The following ZFAT variants were observed in gnomAD, a reference collection of about 807,000 sequenced individuals.
ZFAT encodes the protein zinc finger and AT-hook domain containing.
ZFAT carries 64 observed loss-of-function variants against 117.7 expected under a neutral mutation model. The ratio of observed to expected loss-of-function variants is 0.54; its 90% CI spans 0.44 to 0.67. The LOEUF is 0.67. ZFAT is among the 30% of genes least tolerant of loss of function. The pLI is 0.00. For missense variants in ZFAT, 1,433 were observed against 1,584.5 expected (o/e 0.90, Z 1.62); for synonymous variants, 679 against 615.0 (o/e 1.10, Z -1.54).
intron 1 of ZFAT, chr8:134,674,864 G>A (rs189182313): frequency 2.9e-4 from 58 of 198,778 alleles, no homozygotes; most frequent in African/African-American, 1.0e-3. Flanking sequence ...GGTATGGAGC[G>A]GACCTCCAGC....
intron 3 of ZFAT, among the ~76,000 whole-genome samples, chr8:134,620,179 A>C (rs547430686): frequency 4.6e-5 from 7 of 152,334 alleles, no homozygotes; most frequent in African/African-American, 1.7e-4. Flanking sequence ...CTCAGGCACC[A>C]CAGCATGCAA....
intron 1 of ZFAT, among the ~76,000 whole-genome samples, chr8:134,675,454 G>A (rs548529229): frequency 5.3e-5 from 8 of 152,312 alleles, no homozygotes; most frequent in African/African-American, 9.6e-5. Context: ...ATGGGACTAC[G>A]TGAAAAGATC....
intron 1 of ZFAT, among the ~76,000 whole-genome samples, chr8:134,663,669 T>C (rs1586914432): frequency 1.3e-5 from 2 of 151,956 alleles, no homozygotes; most frequent in African/African-American, 4.8e-5. Context: ...ACCTGGGAGG[T>C]GGAGGATACA....
intron 4 of ZFAT, among the ~76,000 whole-genome samples, chr8:134,609,130 C>T (rs1452179847): frequency 6.6e-6 from 1 of 151,704 alleles, no homozygotes; most frequent in Admixed American, 6.6e-5. Flanking sequence ...TTCACTTGAT[C>T]TACTTATATT....
intron 1 of ZFAT, among the ~76,000 whole-genome samples, chr8:134,691,730 T>C (rs1833597459): frequency 6.6e-6 from 1 of 152,232 alleles, no homozygotes; most frequent in Non-Finnish European, 1.5e-5. Context: ...AATCATGTAT[T>C]TAATGCTGTG....
At chr8:134,618,578 A>G (rs542921879) in intron 3 of ZFAT, among the ~76,000 whole-genome samples, 8 of 152,278 alleles carry the variant, frequency 5.3e-5, no homozygotes, top group Admixed American at 1.3e-4. Flanking sequence ...ATTCATACCA[A>G]GCGTGTCTCC....
chr8:134,604,494 A>G (rs7007820), intron 5 of ZFAT, among the ~76,000 whole-genome samples: 72,900 of 152,078 alleles, frequency 0.48, 18,287 homozygotes, highest in African/African-American at 0.59. Flanking sequence ...AATAGGCACC[A>G]GGGACAGGCA....
chr8:134,813,805 C>T, the ZFAT span, among the ~76,000 whole-genome samples: 4 of 87,612 alleles, frequency 4.6e-5, no homozygotes, highest in African/African-American at 1.5e-4. Context: ...ATTTTATACA[C>T]ACACACACAC....
intron 15 of ZFAT, among the ~76,000 whole-genome samples, chr8:134,495,402 C>T (rs552449126): frequency 6.6e-6 from 1 of 152,240 alleles, no homozygotes; most frequent in African/African-American, 2.4e-5. Context: ...TCCCAAAGAA[C>T]CCATCTCCAA....
chr8:134,808,197 T>C, the ZFAT span, among the ~76,000 whole-genome samples: 1 of 152,164 alleles, frequency 6.6e-6, no homozygotes, highest in East Asian at 1.9e-4. Context: ...GAAACGTATG[T>C]AGTATGTGTG....
At chr8:134,789,494 A>G in the ZFAT span, among the ~76,000 whole-genome samples, 1 of 152,248 alleles carries the variant, frequency 6.6e-6, no homozygotes, top group East Asian at 1.9e-4. Flanking sequence ...ACTGAAGACA[A>G]ATTTCCATTT....
intron 11 of ZFAT, among the ~76,000 whole-genome samples, chr8:134,539,624 C>T (rs910586979): frequency 6.6e-6 from 1 of 152,156 alleles, no homozygotes; most frequent in Non-Finnish European, 1.5e-5. Flanking sequence ...AGACTAACCA[C>T]CCGTCTGGTA....
intron 10 of ZFAT, among the ~76,000 whole-genome samples, chr8:134,567,753 G>A (rs1287798063): frequency 7.5e-6 from 1 of 133,036 alleles, no homozygotes; most frequent in East Asian, 2.4e-4. Flanking sequence ...TCATAACACT[G>A]AACTCCTTGA....
chr8:134,532,478 T>C (rs1014868573), intron 12 of ZFAT, among the ~76,000 whole-genome samples: 3 of 152,252 alleles, frequency 2.0e-5, no homozygotes, highest in Admixed American at 1.3e-4. Context: ...TTCCTGCTAA[T>C]GTGAAGTAAA....
chr8:134,553,244 G>C (rs1045776772), intron 11 of ZFAT, among the ~76,000 whole-genome samples: 1 of 152,176 alleles, frequency 6.6e-6, no homozygotes, highest in Non-Finnish European at 1.5e-5. Context: ...AGTGACTCAT[G>C]CCTGTAATCC....
intron 1 of ZFAT, among the ~76,000 whole-genome samples, chr8:134,664,568 C>T (rs192567319): frequency 5.3e-5 from 8 of 152,346 alleles, no homozygotes; most frequent in South Asian, 2.1e-4. Context: ...AGGCCTCCCA[C>T]GGGGAGGGCA....
chr8:134,817,430 CACACACA>C, the ZFAT span, among the ~76,000 whole-genome samples: 7 of 123,752 alleles, frequency 5.7e-5, 1 homozygote, highest in South Asian at 4.9e-4. Flanking sequence ...CACACACACA[CACACACA>C]ACGCACCCTT....
chr8:134,782,966 C>T, the ZFAT span, among the ~76,000 whole-genome samples: 1 of 151,542 alleles, frequency 6.6e-6, no homozygotes. Flanking sequence ...TTGTTATGAG[C>T]AAATATGTAA....
chr8:134,711,295 T>C (rs1054680816), intron 1 of ZFAT, among the ~76,000 whole-genome samples: 3 of 152,240 alleles, frequency 2.0e-5, no homozygotes, highest in African/African-American at 7.2e-5. Flanking sequence ...GCTGAGAACC[T>C]TCACGAGGTC....
Sources: gnomAD v4.1 joint callset for allele counts (sites outside exome capture counted in the v4.1 genomes callset) on GRCh38, gnomAD v4.1.1 for gene constraint, MANE v1.5 for transcripts, NCBI Gene and HGNC (gene_info 2026-07-23, HGNC 2026-07-21) for gene names.